KAT6B: variants seen among roughly 807,000 people sequenced by gnomAD.
The protein encoded by KAT6B is histone acetyltransferase KAT6B.
A neutral mutation model predicts 187.5 loss-of-function variants in KAT6B; 10 were observed. The ratio of observed to expected loss-of-function variants is 0.05; its 90% CI spans 0.03 to 0.09. KAT6B has a LOEUF of 0.09. Ranked by LOEUF, KAT6B falls within the 10% of genes least tolerant of loss-of-function variation. The pLI is 1.00. For missense variants in KAT6B, 1,952 were observed against 2,558.9 expected, an observed-to-expected ratio of 0.76 and a Z score of 5.12; for synonymous variants, 861 against 926.8, an observed-to-expected ratio of 0.93 and a Z score of 1.29.
intron 3 of KAT6B, among the ~76,000 whole-genome samples, chr10:74,895,622 C>T (rs967167782): frequency 6.6e-6 from 1 of 151,776 alleles, no homozygotes; most frequent in Non-Finnish European, 1.5e-5. Context: ...TCACTACAAC[C>T]TTCACTTCCC....
chr10:74,848,667 G>A (rs567660726), intron 3 of KAT6B, among the ~76,000 whole-genome samples: 2 of 151,698 alleles, frequency 1.3e-5, no homozygotes, highest in Non-Finnish European at 2.9e-5. Flanking sequence ...GGACACTCCT[G>A]GTCTACATCT....
At chr10:75,017,820 A>G (rs1232746186) in intron 13 of KAT6B, among the ~76,000 whole-genome samples, 1 of 152,228 alleles carries the variant, frequency 6.6e-6, no homozygotes, top group African/African-American at 2.4e-5. Context: ...TAAGCTGTAC[A>G]GTTTAACATA....
intron 1 of KAT6B, among the ~76,000 whole-genome samples, chr10:74,829,890 C>T (rs1039295930): frequency 1.1e-4 from 16 of 151,284 alleles, no homozygotes; most frequent in African/African-American, 2.2e-4. Context: ...TGGTGGCGGG[C>T]GCCTGTAGTC....
intron 13 of KAT6B, among the ~76,000 whole-genome samples, chr10:75,003,342 A>C (rs1277129119): frequency 6.6e-6 from 1 of 152,248 alleles, no homozygotes; most frequent in Admixed American, 6.5e-5. Context: ...AGAAGCTGTC[A>C]AGAAAGCTTC....
intron 3 of KAT6B, among the ~76,000 whole-genome samples, chr10:74,925,268 C>T (rs1341936575): frequency 6.6e-6 from 1 of 152,138 alleles, no homozygotes; most frequent in African/African-American, 2.4e-5. Context: ...TCTTGAACTC[C>T]TGACCTCACG....
At chr10:74,934,339 G>A (rs1849092717) in intron 3 of KAT6B, among the ~76,000 whole-genome samples, 1 of 152,076 alleles carries the variant, frequency 6.6e-6, no homozygotes, top group African/African-American at 2.4e-5. Context: ...ACAATTTCTG[G>A]ATGACTTTTT....
chr10:74,925,118 C>T (rs1312167363), intron 3 of KAT6B, among the ~76,000 whole-genome samples: 1 of 152,184 alleles, frequency 6.6e-6, no homozygotes, highest in East Asian at 1.9e-4. Flanking sequence ...CGGCTCACTG[C>T]AACCTCTGCC....
intron 3 of KAT6B, among the ~76,000 whole-genome samples, chr10:74,869,071 C>T (rs1442643889): frequency 6.6e-6 from 1 of 152,114 alleles, no homozygotes; most frequent in Non-Finnish European, 1.5e-5. Context: ...CTATACTTGT[C>T]TTATTAATGG....
intron 3 of KAT6B, among the ~76,000 whole-genome samples, chr10:74,878,135 G>A (rs1357823944): frequency 6.6e-6 from 1 of 152,184 alleles, no homozygotes. Context: ...TAGCAAACAT[G>A]TATTGGGCAT....
intron 13 of KAT6B, among the ~76,000 whole-genome samples, chr10:74,990,563 T>A (rs533395416): frequency 6.6e-6 from 1 of 152,328 alleles, no homozygotes; most frequent in Non-Finnish European, 1.5e-5. Flanking sequence ...TATTTTTAGT[T>A]ATTTATTAAT....
At position 74,842,751 on chromosome 10, in the gene KAT6B, T is replaced by C; in HGVS notation, c.-107T>C. The C allele has an allele frequency of 8.2e-7, 1 of 1,222,466 alleles. No homozygotes were observed. The highest frequency in any genetic ancestry group is 1.2e-6 in the Non-Finnish European group (1 of 833,872). The allele number at this position is 1,222,466 out of a possible 1,614,324, so 75.7% of individuals were successfully genotyped here. A position where few individuals can be genotyped will look rare whatever the true frequency, so the allele number is the denominator to read the frequency against. Reference sequence around the variant, plus strand: ...TGTTGCTTAATACAGTCTGGAATACTCTGTCCATTTGTTGAATTGTAAATG... The same window carrying C: ...TGTTGCTTAATACAGTCTGGAATACCCTGTCCATTTGTTGAATTGTAAATG... On this transcript the variant is annotated 5_prime_UTR_variant, in exon 3 of 18. Transcript: ENST00000287239.
At chr10:75,020,396 T>C (rs1845310061) in intron 13 of KAT6B, among the ~76,000 whole-genome samples, 186 bp from the exon 14 acceptor site, 1 of 152,236 alleles carries the variant, frequency 6.6e-6, no homozygotes, top group Admixed American at 6.5e-5. Context: ...CTGTCAAAGA[T>C]TCAGGAGCGT....
intron 13 of KAT6B, among the ~76,000 whole-genome samples, chr10:74,997,918 C>G (rs1437644566): frequency 6.6e-6 from 1 of 152,012 alleles, no homozygotes; most frequent in Non-Finnish European, 1.5e-5. Context: ...TCGAGACCAG[C>G]CTGGCCAACA....
At chr10:75,027,370 G>A (rs1551067) in intron 17 of KAT6B, among the ~76,000 whole-genome samples, 48,987 of 152,082 alleles carry the variant, frequency 0.32, 13,933 homozygotes, top group African/African-American at 0.76. Context: ...TTACTCTGCT[G>A]TCCACCAGTT....
chr10:74,856,646 C>T (rs995716823), intron 3 of KAT6B, among the ~76,000 whole-genome samples: 2 of 152,066 alleles, frequency 1.3e-5, no homozygotes, highest in Non-Finnish European at 2.9e-5. Context: ...CACCTATAAT[C>T]CCAGCACTTT....
chr10:74,913,403 G>A (rs551502945), intron 3 of KAT6B, among the ~76,000 whole-genome samples: 1 of 152,210 alleles, frequency 6.6e-6, no homozygotes, highest in African/African-American at 2.4e-5. Context: ...GAATAGAACA[G>A]TTATAACTAT....
At chr10:74,938,721 T>C (rs763159525) in intron 3 of KAT6B, among the ~76,000 whole-genome samples, 6 of 152,124 alleles carry the variant, frequency 3.9e-5, no homozygotes, top group Non-Finnish European at 8.8e-5. Flanking sequence ...TGGTCTCAGA[T>C]AAATTATGCA....
chr10:74,882,348 G>A (rs762889468), intron 3 of KAT6B, among the ~76,000 whole-genome samples: 4 of 152,002 alleles, frequency 2.6e-5, no homozygotes, highest in Non-Finnish European at 5.9e-5. Flanking sequence ...CAGTAATTTC[G>A]TTCTGCAGCC....
intron 3 of KAT6B, among the ~76,000 whole-genome samples, chr10:74,854,777 G>T (rs935646417): frequency 2.0e-5 from 3 of 152,226 alleles, no homozygotes; most frequent in African/African-American, 7.2e-5. Context: ...AACTTAACTG[G>T]TCAACAGATG....
Sources: gnomAD v4.1 joint callset for allele counts (sites outside exome capture counted in the v4.1 genomes callset) on GRCh38, gnomAD v4.1.1 for gene constraint, MANE v1.5 for transcripts, NCBI Gene and HGNC (gene_info 2026-07-23, HGNC 2026-07-21) for gene names.